Variants in SOX6 observed in about 807,000 individuals in gnomAD.
The protein encoded by SOX6 is transcription factor SOX-6.
SOX6 carries 11 observed loss-of-function variants against 97.8 expected under a neutral mutation model. The ratio of observed to expected loss-of-function variants is 0.11; its 90% CI spans 0.07 to 0.19. SOX6 has a LOEUF of 0.19. Ranked by LOEUF, SOX6 falls within the 10% of genes least tolerant of loss-of-function variation. SOX6 has a pLI of 1.00. For synonymous variants in SOX6, 360 were observed against 371.4 expected, an observed-to-expected ratio of 0.97 and a Z score of 0.35; for missense variants, 810 against 1,039.5, an observed-to-expected ratio of 0.78 and a Z score of 3.04.
At chr11:16,419,373 T>C (rs1858985632) in intron 1 of SOX6, among the ~76,000 whole-genome samples, 2 of 152,114 alleles carry the variant, frequency 1.3e-5, no homozygotes, top group South Asian at 2.1e-4. Flanking sequence ...TGCTTTTCCA[T>C]ATAAACTAGT....
At chr11:16,228,878 T>G (rs1247122688) in intron 4 of SOX6, among the ~76,000 whole-genome samples, 1 of 152,174 alleles carries the variant, frequency 6.6e-6, no homozygotes, top group African/African-American at 2.4e-5. Flanking sequence ...GTCTTCCAAC[T>G]CCTATCAAGG....
At chr11:16,497,376 G>C (rs985426196) in intron 4 of SOX6, among the ~76,000 whole-genome samples, 14 of 152,126 alleles carry the variant, frequency 9.2e-5, no homozygotes, top group Non-Finnish European at 1.2e-4. Flanking sequence ...AAAAAACAGA[G>C]CAGAAAAACT....
intron 4 of SOX6, among the ~76,000 whole-genome samples, chr11:16,218,580 A>G (rs996525922): frequency 3.9e-5 from 6 of 152,166 alleles, no homozygotes; most frequent in African/African-American, 1.4e-4. Context: ...GCCTAGTTAA[A>G]CAAATGTTAA....
chr11:16,073,470 A>T (rs932558683), intron 9 of SOX6, among the ~76,000 whole-genome samples: 4 of 152,194 alleles, frequency 2.6e-5, no homozygotes, highest in African/African-American at 9.6e-5. Flanking sequence ...AGACCTATGA[A>T]GAGAGTTAGA....
chr11:16,201,340 A>G (rs1165665135), intron 4 of SOX6, among the ~76,000 whole-genome samples: 1 of 152,134 alleles, frequency 6.6e-6, no homozygotes, highest in Non-Finnish European at 1.5e-5. Context: ...TATTACATAA[A>G]TAGAACCCTA....
chr11:16,559,030 T>G (rs1245405553), intron 4 of SOX6, among the ~76,000 whole-genome samples: 1 of 152,026 alleles, frequency 6.6e-6, no homozygotes. Context: ...TTTTCAACAT[T>G]AAAGAGGAGC....
intron 3 of SOX6, among the ~76,000 whole-genome samples, chr11:16,243,773 AT>A (rs1853260961): frequency 6.6e-6 from 1 of 151,918 alleles, no homozygotes; most frequent in South Asian, 2.1e-4. Context: ...TATACAATAT[AT>A]TCTTTTTTGG....
chr11:16,451,037 CGTG>C (rs571093386), intron 1 of SOX6, among the ~76,000 whole-genome samples: 1 of 151,930 alleles, frequency 6.6e-6, no homozygotes, highest in South Asian at 2.1e-4. Context: ...AGTTGACCAG[CGTG>C]GGCAACATGG....
At chr11:15,979,066 A>ATATATATATATATATATAT (rs1564890454) in intron 15 of SOX6, among the ~76,000 whole-genome samples, 5 of 59,856 alleles carry the variant, frequency 8.4e-5, no homozygotes, top group African/African-American at 2.5e-4. Flanking sequence ...TATATATATA[A>ATATATATATATATATATAT]AACTGCTTAT....
At chr11:16,136,429 C>G (rs1027173925) in intron 6 of SOX6, among the ~76,000 whole-genome samples, 1 of 144,820 alleles carries the variant, frequency 6.9e-6, no homozygotes, top group African/African-American at 2.6e-5. Flanking sequence ...GAGACAAGGT[C>G]TCACTTCGTC....
At chr11:16,540,806 T>A (rs1222071708) in intron 4 of SOX6, among the ~76,000 whole-genome samples, 1 of 152,038 alleles carries the variant, frequency 6.6e-6, no homozygotes, top group Non-Finnish European at 1.5e-5. Flanking sequence ...AAACCACTGC[T>A]CAATGAAATA....
intron 3 of SOX6, among the ~76,000 whole-genome samples, chr11:16,249,586 T>C (rs764527936): frequency 3.9e-5 from 6 of 152,200 alleles, no homozygotes; most frequent in Non-Finnish European, 8.8e-5. Flanking sequence ...CCAAAGTCAC[T>C]TCCACATTTT....
intron 6 of SOX6, among the ~76,000 whole-genome samples, chr11:16,143,630 AG>A (rs1177382664): frequency 1.9e-4 from 29 of 152,196 alleles, no homozygotes; most frequent in African/African-American, 6.5e-4. Context: ...AGACACACAT[AG>A]GCTCAAAATA....
At chr11:16,496,824 C>A (rs1860606387) in intron 4 of SOX6, among the ~76,000 whole-genome samples, 1 of 152,168 alleles carries the variant, frequency 6.6e-6, no homozygotes, top group African/African-American at 2.4e-5. Flanking sequence ...CACTGGGAAG[C>A]TCAAACTGGG....
intron 4 of SOX6, among the ~76,000 whole-genome samples, chr11:16,540,365 T>C (rs1861385904): frequency 6.6e-6 from 1 of 152,068 alleles, no homozygotes; most frequent in Admixed American, 6.6e-5. Flanking sequence ...GCCAATATCA[T>C]ACTGAATGGG....
intron 3 of SOX6, among the ~76,000 whole-genome samples, chr11:16,652,019 C>G (rs891080656): frequency 6.7e-6 from 1 of 150,168 alleles, no homozygotes; most frequent in African/African-American, 2.4e-5. Context: ...TTTACAACAG[C>G]TGCAAAAAAA....
At chr11:16,221,121 G>A (rs1044890074) in intron 4 of SOX6, among the ~76,000 whole-genome samples, 2 of 152,006 alleles carry the variant, frequency 1.3e-5, no homozygotes, top group African/African-American at 4.8e-5. Flanking sequence ...TATTCAAGGT[G>A]TCCCTGAAAT....
intron 1 of SOX6, among the ~76,000 whole-genome samples, chr11:16,409,170 G>A (rs1858744028): frequency 6.6e-6 from 1 of 151,800 alleles, no homozygotes; most frequent in Middle Eastern, 3.4e-3. Flanking sequence ...AAAAAGTAGT[G>A]AAAGATAATC....
chr11:16,649,146 A>G (rs1365666282), intron 3 of SOX6, among the ~76,000 whole-genome samples: 3 of 152,190 alleles, frequency 2.0e-5, no homozygotes, highest in Non-Finnish European at 4.4e-5. Context: ...CCTAAGAATA[A>G]TTGGTATTCC....
Sources: allele counts gnomAD v4.1 joint callset (sites outside exome capture counted in the v4.1 genomes callset), GRCh38; gene constraint gnomAD v4.1.1; transcripts MANE v1.5; gene names NCBI Gene and HGNC (gene_info 2026-07-23, HGNC 2026-07-21).